Variants in LRGUK observed in about 807,000 individuals in gnomAD.
LRGUK encodes leucine-rich repeat and guanylate kinase domain-containing protein.
In LRGUK, 65 loss-of-function variants were observed where a neutral mutation model predicts 76.0. The ratio of observed to expected loss-of-function variants is 0.85; its 90% confidence interval spans 0.70 to 1.05. The LOEUF (loss-of-function observed/expected upper bound fraction) is 1.05, where lower values mean the gene tolerates loss of function less well. LRGUK is among the 50% of genes least tolerant of loss of function. The pLI is 0.00. For missense variants in LRGUK, 758 were observed against 732.8 expected (o/e 1.03, Z -0.40); for synonymous variants, 268 against 265.6 (o/e 1.01, Z -0.09).
chr7:134,275,944 G>A, the LRGUK span, among the ~76,000 whole-genome samples: 1 of 152,164 alleles, frequency 6.6e-6, no homozygotes, highest in East Asian at 1.9e-4. Context: ...AGCTCTAATT[G>A]TTAGAATCAC....
At chr7:134,225,314 T>C (rs2117162694) in intron 16 of LRGUK, among the ~76,000 whole-genome samples, 1 of 152,194 alleles carries the variant, frequency 6.6e-6, no homozygotes, top group South Asian at 2.1e-4. Flanking sequence ...CCAGGCCACC[T>C]GTTACTGGAA....
At chr7:134,155,690 G>T (rs1185309157) in intron 5 of LRGUK, among the ~76,000 whole-genome samples, 1 of 152,126 alleles carries the variant, frequency 6.6e-6, no homozygotes, top group African/African-American at 2.4e-5. Flanking sequence ...TAATTGTGAG[G>T]TGATTTATGG....
At chr7:134,175,611 C>T (rs1436050665) in intron 8 of LRGUK, among the ~76,000 whole-genome samples, 2 of 152,180 alleles carry the variant, frequency 1.3e-5, no homozygotes, top group Non-Finnish European at 2.9e-5. Context: ...AACATTTACA[C>T]CTAAGCTTTG....
the LRGUK span, among the ~76,000 whole-genome samples, chr7:134,270,906 G>T: frequency 2.0e-5 from 3 of 152,062 alleles, no homozygotes; most frequent in Non-Finnish European, 4.4e-5. Flanking sequence ...TTACTATAGT[G>T]GTTGCTGTAA....
downstream of LRGUK, among the ~76,000 whole-genome samples, chr7:134,213,187 C>T (rs1207746995): frequency 1.3e-5 from 2 of 152,162 alleles, no homozygotes; most frequent in Non-Finnish European, 2.9e-5. Flanking sequence ...TTTTGTGCTA[C>T]ACCGAAGAGC....
chr7:134,148,980 T>C (rs1466023146), intron 5 of LRGUK, among the ~76,000 whole-genome samples: 1 of 152,094 alleles, frequency 6.6e-6, no homozygotes, highest in Non-Finnish European at 1.5e-5. Flanking sequence ...TTATATAAAT[T>C]CAGTATTTGA....
rs570926786 is a variant in LRGUK at position 134,182,808 on chromosome 7, C to G, written c.1215-926C>G. 1.2e-4 allele frequency among the ~76,000 whole-genome samples: 19 copies of G among 152,274 alleles called. No homozygotes were observed. The East Asian group carries it at 3.7e-3, about 29-fold the overall frequency. ...GACAGTTTCACTCTTGTTGCCCAGA[C>G]TGGAGTACAATGGCGCCATCTCGGC... On this transcript the variant is annotated intron_variant, in intron 10 of 15. Coordinates refer to ENST00000645682, the Ensembl canonical transcript of LRGUK.
chr7:134,141,010 G>A (rs985131343), intron 3 of LRGUK, among the ~76,000 whole-genome samples: 1 of 152,076 alleles, frequency 6.6e-6, no homozygotes, highest in Admixed American at 6.5e-5. Context: ...CCATACCTCC[G>A]CGGTTGTTTC....
At chr7:134,176,771 T>C (rs1799497855) in intron 8 of LRGUK, among the ~76,000 whole-genome samples, 1 of 152,178 alleles carries the variant, frequency 6.6e-6, no homozygotes, top group African/African-American at 2.4e-5. Flanking sequence ...AGTGTACACT[T>C]GAAGACCTTT....
the LRGUK span, among the ~76,000 whole-genome samples, chr7:134,272,726 A>G: frequency 6.6e-6 from 1 of 152,200 alleles, no homozygotes; most frequent in East Asian, 1.9e-4. Context: ...TCTGAATGAC[A>G]GTACTATCAT....
chr7:134,224,053 C>G (rs868110345), intron 16 of LRGUK, among the ~76,000 whole-genome samples: 1 of 152,224 alleles, frequency 6.6e-6, no homozygotes, highest in East Asian at 1.9e-4. Context: ...CCTGGGAAAT[C>G]CAGCTCTTTC....
intron 15 of LRGUK, among the ~76,000 whole-genome samples, chr7:134,207,146 T>C (rs974928227): frequency 1.3e-5 from 2 of 152,220 alleles, no homozygotes; most frequent in Non-Finnish European, 2.9e-5. Flanking sequence ...AAATTAATTT[T>C]ATATTTTGGT....
rs142342602 is a variant in LRGUK at position 134,197,092 on chromosome 7, A to G, written c.1532A>G (p.His511Arg). The G allele has an allele frequency of 1.6e-4, 256 of 1,596,292 alleles. No homozygotes were observed. The highest frequency in any genetic ancestry group is 2.2e-4 in the Non-Finnish European group (253 of 1,164,196). Residue 511 changes from histidine to arginine, a missense_variant, in exon 13 of 16, where the codon CAT becomes CGT. His to Arg is a conservative substitution (Grantham distance 29). Coordinates refer to ENST00000645682, the Ensembl canonical transcript of LRGUK. ...AGAGATGGTTTGGCAAGCTGTATTC[A>G]TATGGAAATAGAAGTAAGTGTTTTC...
At chr7:134,154,809 G>A (rs1157741638) in intron 5 of LRGUK, among the ~76,000 whole-genome samples, 1 of 152,196 alleles carries the variant, frequency 6.6e-6, no homozygotes, top group African/African-American at 2.4e-5. Flanking sequence ...ACTAGCTGTG[G>A]GATTCCAAGC....
intron 16 of LRGUK, among the ~76,000 whole-genome samples, chr7:134,233,341 A>G (rs968525170): frequency 1.3e-5 from 2 of 152,208 alleles, no homozygotes; most frequent in African/African-American, 4.8e-5. Flanking sequence ...TGTTTCTGCA[A>G]CCAGCTCCTC....
At chr7:134,164,055 A>G (rs995019654) in intron 7 of LRGUK, among the ~76,000 whole-genome samples, 2 of 152,206 alleles carry the variant, frequency 1.3e-5, no homozygotes, top group Admixed American at 1.3e-4. Flanking sequence ...TATCGTTAAT[A>G]AAAATATATT....
chr7:134,167,880 C>T (rs1267582278), intron 7 of LRGUK, among the ~76,000 whole-genome samples: 3 of 152,134 alleles, frequency 2.0e-5, no homozygotes, highest in Non-Finnish European at 4.4e-5. Context: ...TTCTTTATCC[C>T]TTTACACTGT....
chr7:134,219,147 A>G (rs1213257037), intron 15 of LRGUK, among the ~76,000 whole-genome samples: 4 of 152,212 alleles, frequency 2.6e-5, no homozygotes, highest in African/African-American at 4.8e-5. Context: ...GTATTATAAC[A>G]TTGGTAATTA....
At chr7:134,195,047 G>C (rs968209804) in intron 12 of LRGUK, among the ~76,000 whole-genome samples, 1 of 152,082 alleles carries the variant, frequency 6.6e-6, no homozygotes, top group Non-Finnish European at 1.5e-5. Context: ...GTGCTGATTG[G>C]TCAGAGATGA....
Sources: allele counts gnomAD v4.1 joint callset (sites outside exome capture counted in the v4.1 genomes callset), GRCh38; gene constraint gnomAD v4.1.1; transcripts MANE v1.5; gene names NCBI Gene and HGNC (gene_info 2026-07-23, HGNC 2026-07-21).